The following ROR2 variants were observed in gnomAD, a reference collection of about 807,000 sequenced individuals.
ROR2 encodes the protein ROR family WNT receptor 2.
Under a neutral mutation model 74.9 loss-of-function variants are expected in ROR2, and 33 were observed. That is an observed-to-expected ratio of 0.44 (90% confidence interval 0.33 to 0.59). ROR2 has a LOEUF of 0.59. Ranked by LOEUF, ROR2 falls within the 20% of genes least tolerant of loss-of-function variation. The pLI, the probability that ROR2 is intolerant of heterozygous loss-of-function variation, is 0.02. For synonymous variants in ROR2, 586 were observed against 558.7 expected, an observed-to-expected ratio of 1.05 and a Z score of -0.69; for missense variants, 1,216 against 1,313.8, an observed-to-expected ratio of 0.93 and a Z score of 1.15.
intron 1 of ROR2, among the ~76,000 whole-genome samples, chr9:91,809,360 G>A (rs1005339880): frequency 6.6e-6 from 1 of 152,182 alleles, no homozygotes; most frequent in Non-Finnish European, 1.5e-5. Flanking sequence ...CTCTGCCATT[G>A]TGAACCCACC....
rs917599931 is a variant in ROR2, at chr9:91,808,500, A to G, written c.98-32682T>C. ...CAAAATTAGCTGGGTGTGGTGGCAC[A>G]TGCCACCCAGCTACTGGGGAGGCTG... On this transcript the variant is annotated intron_variant, in intron 1 of 8. Transcript: ENST00000375708. 2.6e-5 allele frequency among the ~76,000 whole-genome samples: 4 copies of G among 151,970 alleles called. 1 individual carries two copies. The highest frequency in any genetic ancestry group is 2.6e-4 in the Admixed American group (4 of 15,248).
intron 1 of ROR2, among the ~76,000 whole-genome samples, chr9:91,827,469 C>T (rs941804210): frequency 6.6e-6 from 1 of 152,112 alleles, no homozygotes; most frequent in Admixed American, 6.5e-5. Context: ...TAAGTATTTT[C>T]CTGCTTCTGA....
chr9:91,798,863 TG>T (rs1410411228), intron 1 of ROR2, among the ~76,000 whole-genome samples: 8 of 152,148 alleles, frequency 5.3e-5, no homozygotes, highest in Non-Finnish European at 1.2e-4. Flanking sequence ...ATCTGTGAAG[TG>T]GGTGACCCTT....
chr9:91,819,159 C>T (rs950109975), intron 1 of ROR2, among the ~76,000 whole-genome samples: 6 of 152,182 alleles, frequency 3.9e-5, no homozygotes, highest in Non-Finnish European at 7.3e-5. Flanking sequence ...TCTCTGCAGC[C>T]CCCGCAGCCA....
chr9:91,816,373 C>T (rs538910314), intron 1 of ROR2, among the ~76,000 whole-genome samples: 1 of 152,306 alleles, frequency 6.6e-6, no homozygotes, highest in South Asian at 2.1e-4. Flanking sequence ...TCACCAACCC[C>T]AGCCGAGGAC....
At chr9:91,796,448 A>AAC (rs1827171400) in intron 1 of ROR2, among the ~76,000 whole-genome samples, 1 of 151,982 alleles carries the variant, frequency 6.6e-6, no homozygotes, top group South Asian at 2.1e-4. Context: ...AAAAAAAAAA[A>AAC]AAAAAAACAT....
Position 91,764,734 on chromosome 9 carries a change from TCAA to T in ROR2, c.176-7178_176-7176del, listed in dbSNP as rs1826011178. ...TGCATCTCACTCCTTCCTCTTAGGT[TCAA>T]TTGAGCTCATCCTGAATAACATTCA... On this transcript the variant is annotated intron_variant, in intron 2 of 8. Coordinates refer to ENST00000375708, the MANE Select transcript of ROR2 (RefSeq NM_004560.4). Among the ~76,000 whole-genome samples, 3 of 152,312 alleles carry T rather than the reference TCAA, an allele frequency of 2.0e-5. No homozygotes were observed. The South Asian group carries it at 6.2e-4, about 32-fold the overall frequency.
chr9:91,924,815 G>A (rs943689334), intron 1 of ROR2, among the ~76,000 whole-genome samples: 1 of 152,036 alleles, frequency 6.6e-6, no homozygotes, highest in African/African-American at 2.4e-5. Flanking sequence ...AACAGACGCG[G>A]GGCAGGCCCA....
At chr9:91,870,703 C>A (rs1393781246) in intron 1 of ROR2, among the ~76,000 whole-genome samples, 2 of 152,196 alleles carry the variant, frequency 1.3e-5, no homozygotes, top group South Asian at 2.1e-4. Context: ...AAAGAAAAAA[C>A]CTCATATTTC....
intron 1 of ROR2, among the ~76,000 whole-genome samples, chr9:91,849,602 C>T (rs987165992): frequency 2.6e-5 from 4 of 152,202 alleles, no homozygotes; most frequent in Non-Finnish European, 5.9e-5. Context: ...GAATATCTGA[C>T]CTTTTGTTTC....
chr9:91,781,417 C>T (rs1347852933), intron 1 of ROR2, among the ~76,000 whole-genome samples: 2 of 152,198 alleles, frequency 1.3e-5, no homozygotes, highest in African/African-American at 2.4e-5. Flanking sequence ...CGAAAACACC[C>T]ATGATGCTAG....
chr9:91,775,138 C>T (rs1352040476), intron 2 of ROR2, among the ~76,000 whole-genome samples: 1 of 152,236 alleles, frequency 6.6e-6, no homozygotes, highest in African/African-American at 2.4e-5. Flanking sequence ...GTTTCAGCTT[C>T]CTGGTCTGTG....
chr9:91,730,400 A>G (rs1337297858), intron 7 of ROR2, among the ~76,000 whole-genome samples: 3 of 152,188 alleles, frequency 2.0e-5, no homozygotes, highest in Non-Finnish European at 2.9e-5. Context: ...AGACTTTTCT[A>G]TATTTTAAAA....
intron 1 of ROR2, among the ~76,000 whole-genome samples, chr9:91,836,791 GA>G (rs1252655066): frequency 1.3e-5 from 2 of 152,220 alleles, no homozygotes; most frequent in Admixed American, 6.5e-5. Context: ...GCCCAGTTAT[GA>G]ATGGCAGCTC....
intron 1 of ROR2, among the ~76,000 whole-genome samples, chr9:91,829,231 G>C (rs1241811878): frequency 6.6e-6 from 1 of 152,104 alleles, no homozygotes; most frequent in Non-Finnish European, 1.5e-5. Flanking sequence ...GAAGTGTATG[G>C]GCACATTTGT....
At chr9:91,738,326 A>G (rs991098476) in intron 4 of ROR2, among the ~76,000 whole-genome samples, 23 of 152,344 alleles carry the variant, frequency 1.5e-4, no homozygotes, top group South Asian at 6.2e-4. Flanking sequence ...TAATTTCAAA[A>G]AATTCCACAT....
intron 1 of ROR2, among the ~76,000 whole-genome samples, chr9:91,851,363 A>AAAAAG (rs1255811650): frequency 6.6e-6 from 1 of 151,682 alleles, no homozygotes; most frequent in South Asian, 2.1e-4. Context: ...CAAAAAAAAA[A>AAAAAG]AAAAGAAAAG....
intron 1 of ROR2, among the ~76,000 whole-genome samples, chr9:91,849,732 T>C (rs944117000): frequency 4.6e-5 from 7 of 152,244 alleles, no homozygotes; most frequent in Admixed American, 4.6e-4. Context: ...AGCTGAAGTC[T>C]CTTGGACATG....
At chr9:91,825,114 T>C (rs1828245151) in intron 1 of ROR2, among the ~76,000 whole-genome samples, 1 of 152,146 alleles carries the variant, frequency 6.6e-6, no homozygotes, top group Non-Finnish European at 1.5e-5. Flanking sequence ...GAAAAACACA[T>C]CTGTTTCCAC....
Sources: allele counts gnomAD v4.1 joint callset (sites outside exome capture counted in the v4.1 genomes callset), GRCh38; gene constraint gnomAD v4.1.1; transcripts MANE v1.5; gene names NCBI Gene and HGNC (gene_info 2026-07-23, HGNC 2026-07-21).